ARHGAP26: variants seen among roughly 807,000 people sequenced by gnomAD.
The protein encoded by ARHGAP26 is Rho GTPase activating protein 26.
In ARHGAP26, 38 loss-of-function variants were observed where a neutral mutation model predicts 104.8. That is an observed-to-expected ratio of 0.36 (90% CI 0.28 to 0.48). The LOEUF is 0.48. Among genes scored for constraint, ARHGAP26 ranks in the 20% least tolerant of loss-of-function variants. The pLI, the probability that ARHGAP26 is intolerant of heterozygous loss-of-function variation, is 0.99. For synonymous variants in ARHGAP26, 341 were observed against 340.0 expected (o/e 1.00, Z -0.03); for missense variants, 704 against 947.9 (o/e 0.74, Z 3.38).
chr5:143,026,195 T>C (rs12188243), intron 12 of ARHGAP26, among the ~76,000 whole-genome samples: 73,437 of 152,132 alleles, frequency 0.48, 22,646 homozygotes, highest in Non-Finnish European at 0.69. Flanking sequence ...TCCTTGTGTT[T>C]TCAGCTGGTG....
chr5:143,042,712 T>C (rs144237918), intron 14 of ARHGAP26, among the ~76,000 whole-genome samples: 249 of 152,302 alleles, frequency 1.6e-3, no homozygotes, highest in Non-Finnish European at 2.4e-3. Context: ...AGTTCTTGTG[T>C]TAGTATTTGT....
At chr5:142,819,218 G>A (rs994504809) in intron 1 of ARHGAP26, among the ~76,000 whole-genome samples, 7 of 152,204 alleles carry the variant, frequency 4.6e-5, no homozygotes, top group African/African-American at 1.7e-4. Context: ...CTTGTCTAAC[G>A]TCAATTAACA....
intron 14 of ARHGAP26, among the ~76,000 whole-genome samples, chr5:143,050,752 G>A (rs1219905650): frequency 6.6e-6 from 1 of 152,202 alleles, no homozygotes; most frequent in Non-Finnish European, 1.5e-5. Flanking sequence ...AAGGGTAGCA[G>A]ACAAAAGATG....
intron 20 of ARHGAP26, among the ~76,000 whole-genome samples, chr5:143,174,802 A>T (rs528062723): frequency 1.3e-5 from 2 of 152,340 alleles, no homozygotes; most frequent in Non-Finnish European, 2.9e-5. Context: ...TGGAACCCTC[A>T]GCCAAATACT....
At chr5:143,027,149 T>C (rs1781167740) in intron 12 of ARHGAP26, among the ~76,000 whole-genome samples, 1 of 149,952 alleles carries the variant, frequency 6.7e-6, no homozygotes, top group Admixed American at 6.7e-5. Context: ...CAATTTATTA[T>C]TTCTGTCACC....
intron 11 of ARHGAP26, among the ~76,000 whole-genome samples, chr5:142,960,504 C>T (rs891564406): frequency 1.3e-5 from 2 of 152,208 alleles, no homozygotes; most frequent in Non-Finnish European, 2.9e-5. Flanking sequence ...GCTGTCTATC[C>T]ATTAGTCACC....
chr5:143,214,500 G>A (rs896345649), intron 22 of ARHGAP26, among the ~76,000 whole-genome samples: 6 of 152,080 alleles, frequency 3.9e-5, no homozygotes, highest in Admixed American at 6.5e-5. Context: ...ATCCATCTTC[G>A]AAAAAGGCCC....
At chr5:143,063,427 T>G (rs1787030024) in intron 17 of ARHGAP26, among the ~76,000 whole-genome samples, 1 of 152,024 alleles carries the variant, frequency 6.6e-6, no homozygotes, top group South Asian at 2.1e-4. Flanking sequence ...AGCATGTGAT[T>G]CCCCTGCTTA....
intron 12 of ARHGAP26, among the ~76,000 whole-genome samples, chr5:143,023,635 A>T (rs1220396432): frequency 6.6e-6 from 1 of 152,220 alleles, no homozygotes; most frequent in Non-Finnish European, 1.5e-5. Context: ...GATCAGAACC[A>T]TCCAGAGGCT....
At chr5:142,966,630 C>G (rs1170406774) in intron 11 of ARHGAP26, among the ~76,000 whole-genome samples, 1 of 152,150 alleles carries the variant, frequency 6.6e-6, no homozygotes, top group Non-Finnish European at 1.5e-5. Flanking sequence ...GTCTAATAAT[C>G]TCATTGCTGG....
intron 11 of ARHGAP26, among the ~76,000 whole-genome samples, chr5:142,939,145 A>T (rs1252845582): frequency 1.3e-5 from 2 of 152,106 alleles, no homozygotes; most frequent in African/African-American, 4.8e-5. Flanking sequence ...TGGAAGAGGG[A>T]ACACTGCCTA....
intron 1 of ARHGAP26, among the ~76,000 whole-genome samples, chr5:142,797,385 T>G (rs2151943424): frequency 6.6e-6 from 1 of 152,370 alleles, no homozygotes; most frequent in African/African-American, 2.4e-5. Context: ...TGTTCATTTT[T>G]CAAGTGGGCA....
At chr5:142,841,583 C>T (rs1307358747) in intron 1 of ARHGAP26, among the ~76,000 whole-genome samples, 1 of 152,172 alleles carries the variant, frequency 6.6e-6, no homozygotes, top group African/African-American at 2.4e-5. Context: ...GCTCCTCAGC[C>T]TCCGAGCCCC....
chr5:142,813,621 C>G (rs1378663710), intron 1 of ARHGAP26, among the ~76,000 whole-genome samples: 1 of 152,212 alleles, frequency 6.6e-6, no homozygotes, highest in African/African-American at 2.4e-5. Context: ...TCCCAGGTCT[C>G]TCTTTTTGGC....
chr5:142,916,002 C>T (rs1467124521), intron 10 of ARHGAP26, among the ~76,000 whole-genome samples: 1 of 152,144 alleles, frequency 6.6e-6, no homozygotes, highest in Non-Finnish European at 1.5e-5. Context: ...TCCACAGGTT[C>T]CCCAGCTCCA....
In ARHGAP26 at chr5:142,932,041, C is replaced by T. The variant is rs2152534596; in HGVS notation, c.1029-6C>T. ...TTTCATATCCATGTCCCTCCTTTCT[C>T]TGCAGGCCAGGGGTTATCACCATGC... is the stretch of plus-strand genomic sequence containing the variant. On this transcript the variant is annotated splice_region_variant and splice_polypyrimidine_tract_variant and intron_variant, in intron 10 of 22. Transcript: ENST00000645722. 1.2e-6 allele frequency: 2 copies of T among 1,614,014 alleles called. No individual in the cohort carries two copies. The highest frequency in any genetic ancestry group is 1.7e-6 in the Non-Finnish European group (2 of 1,179,866).
chr5:143,102,623 G>A (rs899317099), intron 17 of ARHGAP26, among the ~76,000 whole-genome samples: 2 of 152,196 alleles, frequency 1.3e-5, no homozygotes, highest in African/African-American at 2.4e-5. Context: ...TCGCCCATCC[G>A]GGCTCTAGGG....
At chr5:143,153,014 G>A (rs1325038144) in intron 20 of ARHGAP26, among the ~76,000 whole-genome samples, 1 of 152,212 alleles carries the variant, frequency 6.6e-6, no homozygotes, top group Admixed American at 6.5e-5. Context: ...AGTCCTGTGA[G>A]TTTGTGACCG....
intron 11 of ARHGAP26, among the ~76,000 whole-genome samples, chr5:142,954,257 T>G (rs1768850734): frequency 6.6e-6 from 1 of 152,178 alleles, no homozygotes; most frequent in Non-Finnish European, 1.5e-5. Flanking sequence ...TTTTGTAATG[T>G]TCACTCAATG....
Sources: gnomAD v4.1 joint callset for allele counts (sites outside exome capture counted in the v4.1 genomes callset) on GRCh38, gnomAD v4.1.1 for gene constraint, MANE v1.5 for transcripts, NCBI Gene and HGNC (gene_info 2026-07-23, HGNC 2026-07-21) for gene names.